Variants in UGGT1 observed in about 807,000 individuals in gnomAD.
UGGT1 encodes the protein UDP-glucose glycoprotein glucosyltransferase 1.
Under a neutral mutation model 203.9 loss-of-function variants are expected in UGGT1, and 107 were observed. That is an observed-to-expected ratio of 0.52 (90% confidence interval 0.45 to 0.62). The LOEUF (loss-of-function observed/expected upper bound fraction) is 0.62, where lower values mean the gene tolerates loss of function less well. Ranked by LOEUF, UGGT1 falls within the 20% of genes least tolerant of loss-of-function variation. The pLI is 0.00. For missense variants in UGGT1, 1,673 were observed against 1,867.2 expected (o/e 0.90, Z 1.92); for synonymous variants, 628 against 653.5 (o/e 0.96, Z 0.59).
At chr2:128,140,049 A>G (rs1689332010) in intron 16 of UGGT1, 1 of 153,384 alleles carries the variant, frequency 6.5e-6, no homozygotes, top group Non-Finnish European at 1.5e-5. Context: ...CATGAGTGGT[A>G]ATAGGATTCC....
At chr2:128,110,425 C>T (rs1285839154) in intron 5 of UGGT1, among the ~76,000 whole-genome samples, 2 of 152,136 alleles carry the variant, frequency 1.3e-5, no homozygotes, top group East Asian at 1.9e-4. Context: ...CCATCCTCTG[C>T]CCACCAAATG....
chr2:128,144,728 A>AC (rs1464724808), intron 17 of UGGT1, among the ~76,000 whole-genome samples: 5 of 152,168 alleles, frequency 3.3e-5, no homozygotes, highest in Non-Finnish European at 5.9e-5. Context: ...CTGTGCTGTT[A>AC]CCTGTTATTG....
intron 1 of UGGT1, among the ~76,000 whole-genome samples, chr2:128,095,721 C>T (rs1687090625): frequency 1.3e-5 from 2 of 152,122 alleles, no homozygotes; most frequent in Non-Finnish European, 2.9e-5. Context: ...TTCTGAAAGC[C>T]ACTTTTCTAT....
chr2:128,163,145 G>A (rs1285541100), intron 25 of UGGT1, among the ~76,000 whole-genome samples: 2 of 152,150 alleles, frequency 1.3e-5, no homozygotes, highest in Non-Finnish European at 2.9e-5. Context: ...ACGTAACCAA[G>A]TGCCCCTTGA....
At chr2:128,120,239 G>A (rs914730617) in intron 8 of UGGT1, 117 bp from the exon 9 acceptor site, 64 of 844,350 alleles carry the variant, frequency 7.6e-5, no homozygotes, top group South Asian at 3.0e-4. Context: ...CCCCTATGTC[G>A]TAGAAAATTT....
At chr2:128,164,852 ATATTC>A in intron 26 of UGGT1, 27 bp downstream of exon 26, 1 of 1,515,178 alleles carries the variant, frequency 6.6e-7, no homozygotes, top group South Asian at 1.2e-5. Flanking sequence ...GAATTTGTGC[ATATTC>A]TTGAATATTA....
chr2:128,112,473 T>TATATATATATATATATA (rs1553433485), intron 5 of UGGT1, among the ~76,000 whole-genome samples: 86 of 120,282 alleles, frequency 7.1e-4, no homozygotes, highest in Non-Finnish European at 1.1e-3. Flanking sequence ...TATATATATA[T>TATATATATATATATATA]TACATACATA....
rs1219642815 is a variant in UGGT1, at chr2:128,155,606, A to T, written c.2236+19A>T. On this transcript the variant is annotated intron_variant, in intron 20 of 40. Transcript: ENST00000259253. ...AAGAAAGGTAATCCATTTGAGGCTT[A>T]TTATCTTGCATTCAACATTTTTTTG... is the stretch of plus-strand genomic sequence containing the variant. 6 of 1,569,280 alleles carry T rather than the reference A, an allele frequency of 3.8e-6. No homozygotes were observed. Among genetic ancestry groups the T allele is most frequent in the Middle Eastern group, 1.7e-4 (1 of 5,868 alleles).
At chr2:128,109,515 C>T in intron 4 of UGGT1, 119 bp from the exon 5 acceptor site, 1 of 814,972 alleles carries the variant, frequency 1.2e-6, no homozygotes, top group East Asian at 2.7e-5. Context: ...AGCTACCACA[C>T]TCAGCCAGTT....
rs773049954 is a variant in UGGT1, at chr2:128,143,167, C to T, written c.1793C>T (p.Pro598Leu). The change falls in exon 17 of 41, where the codon CCG becomes CTG. Residue 598 changes from proline to leucine, a missense_variant. This residue lies in a region of UGGT1 where 1,073 missense variants were observed against 1,078.7 expected (regional missense o/e 0.99). Transcript: ENST00000259253. ...HVVSVLEKKY[P>L]YVEVNSILGI... ...GTCAGTGTCCTGGAGAAGAAATATC[C>T]GTATGTAGAAGTGAATAGCATTTTG... The T allele has an allele frequency of 3.3e-5, 54 of 1,613,510 alleles. No individual in the cohort carries two copies. In the Admixed American group the frequency reaches 3.8e-4, roughly 11 times the overall value.
chr2:128,115,245 T>C (rs756324025), intron 7 of UGGT1, 25 bp downstream of exon 7: 1 of 1,594,762 alleles, frequency 6.3e-7, no homozygotes, highest in Non-Finnish European at 8.6e-7. Flanking sequence ...ATGGGACCAG[T>C]GTGCTTTCTT....
intron 11 of UGGT1, among the ~76,000 whole-genome samples, chr2:128,124,402 A>T (rs1236773122): frequency 1.3e-5 from 2 of 152,074 alleles, no homozygotes; most frequent in African/African-American, 4.8e-5. Context: ...TTTGTATGAG[A>T]TCTCTTAAGG....
intron 28 of UGGT1, among the ~76,000 whole-genome samples, chr2:128,171,785 G>A (rs1444652839): frequency 6.6e-6 from 1 of 152,190 alleles, no homozygotes; most frequent in Non-Finnish European, 1.5e-5. Flanking sequence ...GGGTTTACAG[G>A]TGTGAGCTAC....
rs1490185682 is a variant in UGGT1, at chr2:128,157,261, T to C, written c.2270T>C (p.Phe757Ser). ...TTTTGTTTTTCTACAGATGATTCTT[T>C]TATTAGGCCAGTAACTTTTTGGATT... ...MSSKEIYDDS[F>S]IRPVTFWIVG... is the part of the protein sequence containing the mutation. Residue 757 changes from phenylalanine (F) to serine (S), a missense_variant, in exon 22 of 41, where the codon TTT (phenylalanine) becomes TCT (serine). Physicochemically the swap from Phe to Ser is radical, Grantham distance 155. Transcript: ENST00000259253. 1.9e-6 allele frequency: 3 copies of C among 1,613,862 alleles called. No individual in the cohort carries two copies. Among genetic ancestry groups the C allele is most frequent in the Non-Finnish European group, 2.5e-6 (3 of 1,179,874 alleles).
At chr2:128,186,033 G>A (rs942172080) in intron 38 of UGGT1, among the ~76,000 whole-genome samples, 16 of 152,266 alleles carry the variant, frequency 1.1e-4, no homozygotes, top group African/African-American at 3.8e-4. Flanking sequence ...CAAAATTTAC[G>A]AACCACCACT....
chr2:128,171,363 A>C, intron 28 of UGGT1, 79 bp downstream of exon 28: 2 of 1,323,598 alleles, frequency 1.5e-6, no homozygotes, highest in Non-Finnish European at 2.1e-6. Context: ...AGAGGATCAG[A>C]TGGATTTATA....
intron 18 of UGGT1, among the ~76,000 whole-genome samples, chr2:128,146,823 G>T (rs1274179805): frequency 6.6e-6 from 1 of 152,182 alleles, no homozygotes; most frequent in Non-Finnish European, 1.5e-5. Flanking sequence ...AGATTTGCTT[G>T]TTCTGGACGT....
intron 22 of UGGT1, among the ~76,000 whole-genome samples, chr2:128,158,216 T>G (rs748839720): frequency 8.1e-4 from 124 of 152,254 alleles, no homozygotes; most frequent in Middle Eastern, 3.4e-3. Context: ...GTTGCATTTT[T>G]TAATAACTAT....
intron 40 of UGGT1, among the ~76,000 whole-genome samples, chr2:128,189,180 G>T (rs1692139381): frequency 6.6e-6 from 1 of 152,182 alleles, no homozygotes; most frequent in Non-Finnish European, 1.5e-5. Context: ...TATTGGAATA[G>T]CCCTTGTTAC....
Sources: allele counts gnomAD v4.1 joint callset (sites outside exome capture counted in the v4.1 genomes callset), GRCh38; gene constraint gnomAD v4.1.1; regional missense constraint gnomAD v4.1.1; transcripts MANE v1.5; gene names NCBI Gene and HGNC (gene_info 2026-07-23, HGNC 2026-07-21).